VPS13B: variants seen among roughly 807,000 people sequenced by gnomAD.
VPS13B encodes vacuolar protein sorting 13 homolog B.
In VPS13B, 285 loss-of-function variants were observed where a neutral mutation model predicts 426.4. The ratio of observed to expected loss-of-function variants is 0.67; its 90% confidence interval spans 0.61 to 0.74. The LOEUF (loss-of-function observed/expected upper bound fraction) is 0.74, where lower values mean the gene tolerates loss of function less well. Among genes scored for constraint, VPS13B ranks in the 30% least tolerant of loss-of-function variants. The probability of loss-of-function intolerance (pLI) is 0.00; values close to 1 mark genes in which losing one functional copy is unlikely to be tolerated. For synonymous variants in VPS13B, 1,676 were observed against 1,676.4 expected (o/e 1.00, Z 0.01); for missense variants, 4,537 against 4,782.6 (o/e 0.95, Z 1.51).
At chr8:99,245,208 T>A (rs1192405672) in intron 17 of VPS13B, among the ~76,000 whole-genome samples, 1 of 152,254 alleles carries the variant, frequency 6.6e-6, no homozygotes, top group South Asian at 2.1e-4. Context: ...TTACTTAACC[T>A]ATCAAATCCT....
In VPS13B at chr8:99,853,912, T is replaced by C; in HGVS notation, c.10523T>C (p.Val3508Ala). The C allele has an allele frequency of 1.2e-6, 2 of 1,614,248 alleles. No homozygotes were observed. The highest frequency in any genetic ancestry group is 1.7e-6 in the Non-Finnish European group (2 of 1,180,052). ...SFELKPARLYVEDTFVYYIKT... is the reference protein window; with the variant it reads ...SFELKPARLYAEDTFVYYIKT... ...GAATTAAAACCTGCTCGGTTATACG[T>C]GGAAGACACATTTGTATACTACATC... is the stretch of plus-strand genomic sequence containing the variant. Residue 3508 changes from valine (V) to alanine (A), a missense_variant, in exon 56 of 62, where the codon GTG becomes GCG. Transcript: ENST00000357162.
intron 2 of VPS13B, among the ~76,000 whole-genome samples, chr8:99,026,183 G>A (rs977543907): frequency 3.3e-5 from 5 of 152,102 alleles, no homozygotes; most frequent in African/African-American, 1.2e-4. Flanking sequence ...CGTAGGATTT[G>A]CTATGTTGTA....
Position 99,193,043 on chromosome 8 carries a change from T to A in VPS13B, c.2501T>A (p.Ile834Asn). ...SAVIEALINE[I>N]FLSIGVKSKN... ...GTGATTGAAGCTTTGATAAATGAAA[T>A]CTTCCTAAGTATAGGTAAGAGCACA... The change falls in exon 17 of 62, where the codon ATC becomes AAC. Residue 834 changes from isoleucine to asparagine, a missense_variant. Ile to Asn is a moderately radical substitution (Grantham distance 149). Coordinates refer to ENST00000357162, the MANE Select transcript of VPS13B (RefSeq NM_152564.5). 1.2e-6 allele frequency: 2 copies of A among 1,613,582 alleles called. No homozygotes were observed. Among genetic ancestry groups the A allele is most frequent in the Non-Finnish European group, 1.7e-6 (2 of 1,179,796 alleles).
chr8:99,682,359 A>T (rs529806788), intron 35 of VPS13B, among the ~76,000 whole-genome samples: 4 of 152,298 alleles, frequency 2.6e-5, no homozygotes, highest in Admixed American at 2.6e-4. Flanking sequence ...CCAGCTTCTG[A>T]GATTTAAAAA....
At chr8:99,118,292 A>G (rs10096925) in intron 7 of VPS13B, among the ~76,000 whole-genome samples, 125,683 of 152,126 alleles carry the variant, frequency 0.83, 52,432 homozygotes, top group South Asian at 0.89. Flanking sequence ...TTATCAATAC[A>G]ATTGTTTTTG....
At chr8:99,077,760 T>G (rs778395632) in intron 3 of VPS13B, among the ~76,000 whole-genome samples, 1 of 152,158 alleles carries the variant, frequency 6.6e-6, no homozygotes, top group Non-Finnish European at 1.5e-5. Flanking sequence ...TGTATTGAAA[T>G]TTGTATGGCT....
intron 3 of VPS13B, among the ~76,000 whole-genome samples, chr8:99,087,056 G>A (rs924809835): frequency 5.3e-5 from 8 of 152,184 alleles, no homozygotes; most frequent in Non-Finnish European, 8.8e-5. Context: ...CCGCAGAGGT[G>A]GAGTCTACAG....
At chr8:99,176,084 A>C (rs916695197) in intron 16 of VPS13B, among the ~76,000 whole-genome samples, 10 of 151,914 alleles carry the variant, frequency 6.6e-5, no homozygotes, top group Non-Finnish European at 1.3e-4. Context: ...GATCTGTCAC[A>C]GTTCTCACAT....
At chr8:99,243,790 G>T (rs1817058711) in intron 17 of VPS13B, among the ~76,000 whole-genome samples, 2 of 152,204 alleles carry the variant, frequency 1.3e-5, no homozygotes, top group Admixed American at 1.3e-4. Flanking sequence ...ATGATTGAAG[G>T]CTTCTAGTTC....
chr8:99,483,969 T>A (rs1198822031), intron 25 of VPS13B, among the ~76,000 whole-genome samples: 2 of 152,018 alleles, frequency 1.3e-5, no homozygotes, highest in Non-Finnish European at 2.9e-5. Flanking sequence ...TAAAATAAAA[T>A]AAAAACATGC....
chr8:99,867,982 A>G (rs1274674079), intron 58 of VPS13B: 2 of 371,966 alleles, frequency 5.4e-6, no homozygotes, highest in East Asian at 1.3e-4. Context: ...TTGTTGCCTG[A>G]CTTCTGAGGA....
intron 19 of VPS13B, among the ~76,000 whole-genome samples, chr8:99,314,523 A>T (rs1417821732): frequency 6.6e-6 from 1 of 152,154 alleles, no homozygotes; most frequent in African/African-American, 2.4e-5. Context: ...TAGGGTATTG[A>T]AGTCCCCAAC....
intron 23 of VPS13B, among the ~76,000 whole-genome samples, chr8:99,465,244 G>A (rs982482505): frequency 6.6e-6 from 1 of 152,002 alleles, no homozygotes; most frequent in Non-Finnish European, 1.5e-5. Context: ...GTGTGTGAAA[G>A]GAATACTTGT....
intron 29 of VPS13B, among the ~76,000 whole-genome samples, chr8:99,513,782 A>T (rs1821915041): frequency 6.6e-6 from 1 of 152,206 alleles, no homozygotes; most frequent in Admixed American, 6.5e-5. Context: ...AACTTGACCA[A>T]GAATATGATA....
At chr8:99,478,326 A>G (rs1484623744) in intron 24 of VPS13B, among the ~76,000 whole-genome samples, 1 of 150,318 alleles carries the variant, frequency 6.7e-6, no homozygotes, top group East Asian at 1.9e-4. Context: ...AGTTTGCTGT[A>G]TAAGAACACA....
chr8:99,415,525 G>T (rs1218659113), intron 21 of VPS13B, among the ~76,000 whole-genome samples: 2 of 151,964 alleles, frequency 1.3e-5, no homozygotes, highest in African/African-American at 4.8e-5. Context: ...TTTTTAGGCT[G>T]GTTTTTCCAT....
chr8:99,588,382 T>G (rs1050721923), intron 33 of VPS13B, among the ~76,000 whole-genome samples: 4 of 151,670 alleles, frequency 2.6e-5, no homozygotes, highest in African/African-American at 4.9e-5. Flanking sequence ...GATGGGGATG[T>G]CATTGAATCT....
intron 21 of VPS13B, among the ~76,000 whole-genome samples, chr8:99,422,172 A>G (rs963398048): frequency 6.6e-6 from 1 of 152,210 alleles, no homozygotes; most frequent in Non-Finnish European, 1.5e-5. Context: ...ATCATCATTT[A>G]GAAATATAAT....
chr8:99,094,478 A>G (rs535988325), intron 3 of VPS13B, among the ~76,000 whole-genome samples: 1 of 152,266 alleles, frequency 6.6e-6, no homozygotes, highest in South Asian at 2.1e-4. Flanking sequence ...GTGGAATGAA[A>G]CCTGTGATGT....
Sources: gnomAD v4.1 joint callset for allele counts (sites outside exome capture counted in the v4.1 genomes callset) on GRCh38, gnomAD v4.1.1 for gene constraint, MANE v1.5 for transcripts, NCBI Gene and HGNC (gene_info 2026-07-23, HGNC 2026-07-21) for gene names.